Variants in CT55 observed in about 807,000 individuals in gnomAD.
CT55 encodes the protein cancer/testis antigen 55.
Under a neutral mutation model 12.6 loss-of-function variants are expected in CT55, and 1 was observed. That is an observed-to-expected ratio of 0.08 (90% confidence interval 0.03 to 0.38). The LOEUF (loss-of-function observed/expected upper bound fraction) is 0.38, where lower values mean the gene tolerates loss of function less well. Ranked by LOEUF, CT55 falls within the 10% of genes least tolerant of loss-of-function variation. The pLI is 0.99. For synonymous variants in CT55, 43 were observed against 49.7 expected, an observed-to-expected ratio of 0.87 and a Z score of 0.57; for missense variants, 109 against 135.4, an observed-to-expected ratio of 0.80 and a Z score of 0.97.
chrX:135,159,207 TTCTC>T (rs60230637), intron 3 of CT55, among the ~76,000 whole-genome samples: 38,883 of 100,102 alleles, frequency 0.39, 6,164 homozygotes, highest in Non-Finnish European at 0.46. Flanking sequence ...GTTAGACCTG[TTCTC>T]TCTCTCTCTC....
chrX:135,159,207 T>TTCTCTCTC (rs60230637), intron 3 of CT55, among the ~76,000 whole-genome samples: 8 of 100,593 alleles, frequency 8.0e-5, no homozygotes, highest in Middle Eastern at 0.01. Flanking sequence ...GTTAGACCTG[T>TTCTCTCTC]TCTCTCTCTC....
chrX:135,162,943 T>C (rs1243101351), intron 2 of CT55, among the ~76,000 whole-genome samples: 1 of 111,637 alleles, frequency 9.0e-6, no homozygotes, highest in Non-Finnish European at 1.9e-5. Context: ...CCTCAATAGC[T>C]AGGGGAATCC....
intron 3 of CT55, among the ~76,000 whole-genome samples, chrX:135,159,414 T>C (rs1569481698): frequency 1.8e-5 from 2 of 111,610 alleles, no homozygotes; most frequent in African/African-American, 3.3e-5. Flanking sequence ...TTCACCAACT[T>C]TTGTTTGCCT....
chrX:135,159,917 TCAA>T (rs1396303831), intron 3 of CT55, among the ~76,000 whole-genome samples: 1 of 108,075 alleles, frequency 9.3e-6, no homozygotes, highest in African/African-American at 3.4e-5. Flanking sequence ...CAAAGAGAAT[TCAA>T]CAACAACACA....
At chrX:135,164,062 C>T (rs1319529200) in intron 2 of CT55, among the ~76,000 whole-genome samples, 1 of 111,646 alleles carries the variant, frequency 9.0e-6, no homozygotes, top group Non-Finnish European at 1.9e-5. Flanking sequence ...TTCCAACTGA[C>T]GTAAGGGACG....
chrX:135,166,330 C>T (rs1278189986), intron 2 of CT55, among the ~76,000 whole-genome samples: 3 of 111,437 alleles, frequency 2.7e-5, no homozygotes, highest in Non-Finnish European at 3.8e-5. Context: ...TGTGCTATAT[C>T]ACGTGAAAAG....
chrX:135,166,682 G>T (rs781839569), intron 2 of CT55, among the ~76,000 whole-genome samples: 1 of 111,569 alleles, frequency 9.0e-6, no homozygotes, highest in South Asian at 3.8e-4. Flanking sequence ...TTGCAGACGG[G>T]AAGCTGTTAC....
At chrX:135,158,832 A>G (rs1344076626) in intron 3 of CT55, among the ~76,000 whole-genome samples, 1 of 112,569 alleles carries the variant, frequency 8.9e-6, no homozygotes, top group Non-Finnish European at 1.9e-5. Context: ...TGATACGCAC[A>G]GAATCATCGC....
intron 2 of CT55, among the ~76,000 whole-genome samples, chrX:135,166,680 G>A (rs1332156090): frequency 9.0e-6 from 1 of 111,408 alleles, no homozygotes; most frequent in Non-Finnish European, 1.9e-5. Context: ...GTTTGCAGAC[G>A]GGAAGCTGTT....
upstream of CT55, chrX:135,171,402 C>A: frequency 1.8e-6 from 1 of 569,445 alleles, no homozygotes; most frequent in Non-Finnish European, 2.5e-6. Flanking sequence ...TCCCTCTGAG[C>A]ATGCGCTCGT....
At chrX:135,163,991 T>G (rs1174025208) in intron 2 of CT55, among the ~76,000 whole-genome samples, 1 of 111,546 alleles carries the variant, frequency 9.0e-6, no homozygotes, top group African/African-American at 3.3e-5. Flanking sequence ...TACAGAGAAA[T>G]CACAGCTGAG....
intron 2 of CT55, among the ~76,000 whole-genome samples, chrX:135,164,321 T>C (rs2083574281): frequency 8.9e-6 from 1 of 112,220 alleles, no homozygotes; most frequent in African/African-American, 3.2e-5. Flanking sequence ...TAGTAAAGTG[T>C]TTGTATTTTG....
intron 2 of CT55, among the ~76,000 whole-genome samples, chrX:135,160,876 T>C (rs1202660090): frequency 1.8e-5 from 2 of 111,824 alleles, no homozygotes; most frequent in East Asian, 2.8e-4. Context: ...TGGAAAGGTA[T>C]ATAGTCATAA....
chrX:135,165,781 A>G (rs1187323521), intron 2 of CT55, among the ~76,000 whole-genome samples: 1 of 110,665 alleles, frequency 9.0e-6, no homozygotes, highest in East Asian at 2.8e-4. Context: ...CATAAGGAAG[A>G]TTATGAACAA....
In CT55 at chrX:135,171,174, T is replaced by C; in HGVS notation, c.-3A>G. The C allele has an allele frequency of 8.3e-7, 1 of 1,210,942 alleles. No homozygotes were observed. Among genetic ancestry groups the C allele is most frequent in the Non-Finnish European group, 1.1e-6 (1 of 895,103 alleles). On this transcript the variant is annotated 5_prime_UTR_variant, in exon 1 of 6. Transcript: ENST00000276241. Reference sequence around the variant, plus strand: ...GCAAGTCTCAGAAGCCTGAGCATCGTCCCAGTTGTCACCACCGGCCTGGGC... The same window carrying C: ...GCAAGTCTCAGAAGCCTGAGCATCGCCCCAGTTGTCACCACCGGCCTGGGC...
chrX:135,169,571 T>C (rs2083601407), intron 2 of CT55, 23 bp downstream of exon 2: 1 of 1,159,243 alleles, frequency 8.6e-7, no homozygotes. Context: ...AAGACACAAT[T>C]CCCAAACTCA....
chrX:135,165,109 C>G (rs2148444243), intron 2 of CT55, among the ~76,000 whole-genome samples: 1 of 112,118 alleles, frequency 8.9e-6, no homozygotes, highest in South Asian at 3.7e-4. Flanking sequence ...AACATTCCAT[C>G]CAAATACTCC....
In CT55 at chrX:135,160,424, G is replaced by A; in HGVS notation, c.411C>T (p.Ala137=). ...TATAAATCATACCTTCAGAAACAAT[G>A]GCTATGGAAAAATAAATGCTGTTAC... ...YISNSIYFSI[A]IVSEDFVPYK... The change falls in exon 3 of 6, where the codon GCC becomes GCT. Residue 137 remains alanine, a synonymous_variant. Transcript: ENST00000276241. 1 of 1,159,571 alleles carries A rather than the reference G, an allele frequency of 8.6e-7. No homozygotes were observed.
intron 3 of CT55, among the ~76,000 whole-genome samples, chrX:135,159,561 A>G (rs1413682014): frequency 1.8e-5 from 2 of 111,180 alleles, no homozygotes; most frequent in Admixed American, 9.6e-5. Flanking sequence ...CTCACTTCAA[A>G]ATATATCCAG....
Sources: allele counts gnomAD v4.1 joint callset (sites outside exome capture counted in the v4.1 genomes callset), GRCh38; gene constraint gnomAD v4.1.1; transcripts MANE v1.5; gene names NCBI Gene and HGNC (gene_info 2026-07-23, HGNC 2026-07-21).